Variants in PRDM16 observed in about 807,000 individuals in gnomAD.
PRDM16 encodes the protein histone-lysine N-methyltransferase PRDM16.
In PRDM16, 23 loss-of-function variants were observed where a neutral mutation model predicts 110.6. The ratio of observed to expected loss-of-function variants is 0.21; its 90% CI spans 0.15 to 0.29. The LOEUF (loss-of-function observed/expected upper bound fraction) is 0.29. Ranked by LOEUF, PRDM16 falls within the 10% of genes least tolerant of loss-of-function variation. The pLI, the probability that PRDM16 is intolerant of heterozygous loss-of-function variation, is 1.00. For missense variants in PRDM16, 1,615 were observed against 1,794.3 expected, an observed-to-expected ratio of 0.90 and a Z score of 1.81; for synonymous variants, 799 against 781.8, an observed-to-expected ratio of 1.02 and a Z score of -0.37.
At chr1:3,295,612 C>CTCTCCCT (rs1641071154) in intron 3 of PRDM16, among the ~76,000 whole-genome samples, 2 of 152,252 alleles carry the variant, frequency 1.3e-5, no homozygotes, top group Non-Finnish European at 2.9e-5. Flanking sequence ...GAGCGTCCTC[C>CTCTCCCT]TCTCCCTCCC....
At chr1:3,336,482 A>T (rs906703533) in intron 3 of PRDM16, among the ~76,000 whole-genome samples, 1 of 151,764 alleles carries the variant, frequency 6.6e-6, no homozygotes, top group African/African-American at 2.4e-5. Context: ...ATACATACAC[A>T]TGTGTGTTGG....
At chr1:3,426,801 T>C (rs1000235352) in intron 14 of PRDM16, among the ~76,000 whole-genome samples, 1 of 152,168 alleles carries the variant, frequency 6.6e-6, no homozygotes, top group Non-Finnish European at 1.5e-5. Context: ...AGCTGCAGTT[T>C]AGGGGATCGT....
Position 3,405,596 on chromosome 1 carries a change from C to T in PRDM16, c.1134C>T (p.Ser378=), listed in dbSNP as rs200169663. 1.9e-6 allele frequency: 3 copies of T among 1,611,430 alleles called. No individual in the cohort carries two copies. Among genetic ancestry groups the T allele is most frequent in the African/African-American group, 2.7e-5 (2 of 74,824 alleles). Residue 378 remains serine (S), a synonymous_variant, in exon 8 of 17, where the codon TCC becomes TCT. Transcript: ENST00000270722. ...ACTGCGGGAAGACCTTCGCCACGTCCTCCGGCCTCAAGCAGCACAAGCATA... is the reference window on the plus strand; with the variant it reads ...ACTGCGGGAAGACCTTCGCCACGTCTTCCGGCCTCAAGCAGCACAAGCATA... ...CPDCGKTFAT[S]SGLKQHKHIH...
In PRDM16 at chr1:3,219,696, G is replaced by A. The variant is rs545759069; in HGVS notation, c.388-24391G>A. On this transcript the variant is annotated intron_variant, in intron 2 of 16. Coordinates refer to ENST00000270722, the MANE Select transcript of PRDM16 (RefSeq NM_022114.4). ...TCCCGCAGGAGTGAGGGCTGAACAT[G>A]GCAGGAGCAAGGGCTGAACATGGCA... 5.9e-5 allele frequency among the ~76,000 whole-genome samples: 9 copies of A among 152,234 alleles called. No individual in the cohort carries two copies. In the South Asian group the frequency reaches 1.9e-3, roughly 32 times the overall value.
At chr1:3,271,084 C>T (rs796102887) in intron 3 of PRDM16, among the ~76,000 whole-genome samples, 34 of 152,330 alleles carry the variant, frequency 2.2e-4, no homozygotes, top group African/African-American at 7.5e-4. Flanking sequence ...TGCCCCGCCA[C>T]GTGCATGCAG....
intron 1 of PRDM16, among the ~76,000 whole-genome samples, chr1:3,071,477 G>A (rs865923445): frequency 9.8e-5 from 15 of 152,386 alleles, no homozygotes; most frequent in Middle Eastern, 3.4e-3. Context: ...CCGAGCGCTG[G>A]GAACCCCTCC....
At chr1:3,371,293 A>AT (rs1288761191) in intron 3 of PRDM16, among the ~76,000 whole-genome samples, 1 of 147,470 alleles carries the variant, frequency 6.8e-6, no homozygotes, top group Non-Finnish European at 1.5e-5. Context: ...ACATCCATCC[A>AT]TCCACCCATC....
At chr1:3,242,326 A>G (rs545040400) in intron 2 of PRDM16, among the ~76,000 whole-genome samples, 1 of 152,324 alleles carries the variant, frequency 6.6e-6, no homozygotes, top group Non-Finnish European at 1.5e-5. Flanking sequence ...TTCTGGTTTC[A>G]GCCCAGCCTT....
chr1:3,074,525 G>C (rs1641847453), intron 1 of PRDM16, among the ~76,000 whole-genome samples: 1 of 151,946 alleles, frequency 6.6e-6, no homozygotes. Flanking sequence ...AGGACATCAC[G>C]TGCGTCCAGC....
At chr1:3,082,433 C>T (rs1375427011) in intron 1 of PRDM16, among the ~76,000 whole-genome samples, 9 of 152,166 alleles carry the variant, frequency 5.9e-5, no homozygotes, top group South Asian at 2.1e-4. Flanking sequence ...CGTAGGAAAC[C>T]CAGGGTGAGG....
chr1:3,354,182 G>A (rs190005591), intron 3 of PRDM16, among the ~76,000 whole-genome samples: 57 of 152,342 alleles, frequency 3.7e-4, no homozygotes, highest in Admixed American at 2.7e-3. Flanking sequence ...TTGCTAGGCC[G>A]GGTGTGGCGG....
chr1:3,371,069 A>G (rs1642897057), intron 3 of PRDM16, among the ~76,000 whole-genome samples: 1 of 146,416 alleles, frequency 6.8e-6, no homozygotes, highest in Non-Finnish European at 1.5e-5. Context: ...CCCATCCACC[A>G]TCCATTCAAC....
Position 3,357,897 on chromosome 1 carries a change from C to T in PRDM16, c.439-27255C>T, listed in dbSNP as rs146776271. Among the ~76,000 whole-genome samples, 9 of 152,338 alleles carry T rather than the reference C, an allele frequency of 5.9e-5. No homozygotes were observed. The East Asian group carries it at 1.5e-3, about 26-fold the overall frequency. On this transcript the variant is annotated intron_variant, in intron 3 of 16. Transcript: ENST00000270722. ...CAGCAGGAAGTGACCCAGACCCAAT[C>T]GTCCCCCATGGTGAGGCAGAGAAAC...
Position 3,157,391 on chromosome 1 carries a change from C to T in PRDM16, c.38-28734C>T, listed in dbSNP as rs1643867027. Among the ~76,000 whole-genome samples, 1 of 150,024 alleles carries T rather than the reference C, an allele frequency of 6.7e-6. No homozygotes were observed. On this transcript the variant is annotated intron_variant, in intron 1 of 16. Coordinates refer to ENST00000270722, the MANE Select transcript of PRDM16 (RefSeq NM_022114.4). This position sits in a 1 kb window ranked among gnomAD's most constrained non-coding sequence, Gnocchi z 4.8. Reference sequence around the variant, plus strand: ...TACAGCATTTGATCTGGGGACCTGCCCCCAGGCTCCCAGGCCTTTTGCGAT... The same window carrying T: ...TACAGCATTTGATCTGGGGACCTGCTCCCAGGCTCCCAGGCCTTTTGCGAT...
At position 3,290,047 on chromosome 1, in the gene PRDM16, C is replaced by T. The variant is rs538694763; in HGVS notation, c.438+45910C>T. On this transcript the variant is annotated intron_variant, in intron 3 of 16. Coordinates refer to ENST00000270722, the MANE Select transcript of PRDM16 (RefSeq NM_022114.4). The surrounding 1 kb of genome is among the most constrained non-coding windows in gnomAD (Gnocchi z 4.8). The stretch of plus-strand genomic sequence containing the variant: ...TGCTGCTGTGCCTCCCCTGGTGGAG[C>T]GGTTTCTGGCTTTAAAAGTGTGCTC... 8.2e-4 allele frequency among the ~76,000 whole-genome samples: 125 copies of T among 152,218 alleles called. No individual in the cohort carries two copies. Among genetic ancestry groups the T allele is most frequent in the African/African-American group, 2.7e-3 (113 of 41,522 alleles).
Position 3,403,834 on chromosome 1 carries a change from C to T in PRDM16, c.884+836C>T, listed in dbSNP as rs559998449. 5.0e-4 allele frequency among the ~76,000 whole-genome samples: 76 copies of T among 152,336 alleles called. 1 individual carries two copies. In the Middle Eastern group the frequency reaches 0.014, roughly 27 times the overall value. On this transcript the variant is annotated intron_variant, in intron 6 of 16. Transcript: ENST00000270722. Reference sequence around the variant, plus strand: ...CAAAGTCAGAGCAAAGCCCATCAGGCCACTAACCGGCTATGTGATTGCTGG... The same window carrying T: ...CAAAGTCAGAGCAAAGCCCATCAGGTCACTAACCGGCTATGTGATTGCTGG...
At chr1:3,128,518 T>C (rs374308542) in intron 1 of PRDM16, among the ~76,000 whole-genome samples, 3 of 152,270 alleles carry the variant, frequency 2.0e-5, no homozygotes, top group African/African-American at 7.2e-5. Context: ...GGCTCCACAG[T>C]GGCTCCATTT....
At chr1:3,154,289 G>A (rs1014700439) in intron 1 of PRDM16, among the ~76,000 whole-genome samples, 5 of 152,062 alleles carry the variant, frequency 3.3e-5, no homozygotes, top group South Asian at 2.1e-4. Flanking sequence ...GCGGCGTGGT[G>A]GGGGGGCAGG....
intron 3 of PRDM16, among the ~76,000 whole-genome samples, chr1:3,321,988 ATGTG>A (rs1311302163): frequency 1.3e-5 from 2 of 148,890 alleles, no homozygotes; most frequent in Non-Finnish European, 1.5e-5. Flanking sequence ...GTGGGGGTGC[ATGTG>A]TGTGTGAGTG....
Sources: allele counts gnomAD v4.1 joint callset (sites outside exome capture counted in the v4.1 genomes callset), GRCh38; gene constraint gnomAD v4.1.1; non-coding constraint Gnocchi (gnomAD v3.1); transcripts MANE v1.5; gene names NCBI Gene and HGNC (gene_info 2026-07-23, HGNC 2026-07-21).